The following CCDC149 variants were observed in gnomAD, a reference collection of about 807,000 sequenced individuals.
CCDC149 encodes the protein coiled-coil domain-containing protein 149.
In CCDC149, 45 loss-of-function variants were observed where a neutral mutation model predicts 59.9. The ratio of observed to expected loss-of-function variants is 0.75; its 90% CI spans 0.59 to 0.96. The LOEUF (loss-of-function observed/expected upper bound fraction) is 0.96, where lower values mean the gene tolerates loss of function less well. Among genes scored for constraint, CCDC149 ranks in the 40% least tolerant of loss-of-function variants. CCDC149 has a pLI of 0.00. For missense variants in CCDC149, 584 were observed against 664.7 expected (o/e 0.88, Z 1.33); for synonymous variants, 245 against 260.6 (o/e 0.94, Z 0.58).
chr4:24,862,359 G>A (rs531538836), intron 3 of CCDC149, among the ~76,000 whole-genome samples: 7 of 152,286 alleles, frequency 4.6e-5, no homozygotes, highest in Non-Finnish European at 7.4e-5. Context: ...CTTTGAGGCC[G>A]CCTCTGGATA....
rs1326011058 is a variant in CCDC149 at position 24,912,930 on chromosome 4, G to A, written c.-51C>T. 2 of 1,132,858 alleles carry A rather than the reference G, an allele frequency of 1.8e-6. No individual in the cohort carries two copies. Among genetic ancestry groups the A allele is most frequent in the Non-Finnish European group, 1.1e-6 (1 of 881,032 alleles). 70.2% of individuals were successfully genotyped at this position (1,132,858 alleles called of 1,614,324 possible). A position where few individuals can be genotyped will look rare whatever the true frequency, so the allele number is the denominator to read the frequency against. ...GCCGCCTCCTCCTCCTCGCGACGTCGCGTCGCCGCCGCCGCCCGGGCCCCG... is the reference window on the plus strand; with the variant it reads ...GCCGCCTCCTCCTCCTCGCGACGTCACGTCGCCGCCGCCGCCCGGGCCCCG... On this transcript the variant is annotated 5_prime_UTR_variant, in exon 1 of 13. Coordinates refer to ENST00000635206, the MANE Select transcript of CCDC149 (RefSeq NM_001330643.2).
At chr4:24,885,424 C>T (rs1720102936) in intron 1 of CCDC149, among the ~76,000 whole-genome samples, 1 of 152,170 alleles carries the variant, frequency 6.6e-6, no homozygotes, top group Non-Finnish European at 1.5e-5. Flanking sequence ...GCTGTCAGGC[C>T]TACAGAGAAC....
chr4:24,850,246 A>G (rs1273702933), intron 4 of CCDC149, among the ~76,000 whole-genome samples: 1 of 151,972 alleles, frequency 6.6e-6, no homozygotes, highest in African/African-American at 2.4e-5. Flanking sequence ...TAGAGATTAT[A>G]TAATACCTAC....
At position 24,834,972 on chromosome 4, in the gene CCDC149, T is replaced by G; in HGVS notation, c.796A>C (p.Thr266Pro). 6.2e-7 allele frequency: 1 copy of G among 1,613,964 alleles called. No homozygotes were observed. Among genetic ancestry groups the G allele is most frequent in the South Asian group, 1.1e-5 (1 of 91,066 alleles). ...CCTTGCTTTGCAGACAGGACTCCTG[T>G]CAGAGCACTGCTGCTGGATTTACCC... The change falls in exon 8 of 13, where the codon ACA (threonine) becomes CCA (proline). Residue 266 changes from threonine to proline, a missense_variant. Coordinates refer to ENST00000635206, the MANE Select transcript of CCDC149 (RefSeq NM_001330643.2).
chr4:24,834,876 G>T, intron 8 of CCDC149, 72 bp downstream of exon 8: 1 of 1,133,284 alleles, frequency 8.8e-7, no homozygotes, highest in Non-Finnish European at 1.3e-6. Context: ...GCAGCAGCCT[G>T]GATGGGATGT....
intron 1 of CCDC149, among the ~76,000 whole-genome samples, chr4:24,935,539 T>G (rs1722712930): frequency 6.6e-6 from 1 of 152,100 alleles, no homozygotes; most frequent in South Asian, 2.1e-4. Context: ...AGAACCCTCA[T>G]GAGTGGGATT....
At chr4:24,898,818 T>C (rs1270062359) in intron 1 of CCDC149, among the ~76,000 whole-genome samples, 4 of 152,144 alleles carry the variant, frequency 2.6e-5, no homozygotes, top group Non-Finnish European at 5.9e-5. Flanking sequence ...TGAGCTGGGC[T>C]TTAACATATG....
intron 1 of CCDC149, among the ~76,000 whole-genome samples, chr4:24,923,825 A>ATTTG (rs1722366226): frequency 6.6e-6 from 1 of 152,212 alleles, no homozygotes; most frequent in Admixed American, 6.5e-5. Context: ...CCAAATATAC[A>ATTTG]GTGGCTTGAC....
At chr4:24,957,329 C>A (rs923551661) in intron 1 of CCDC149, among the ~76,000 whole-genome samples, 1 of 152,154 alleles carries the variant, frequency 6.6e-6, no homozygotes, top group Non-Finnish European at 1.5e-5. Context: ...TGTAATCTAC[C>A]AGTGTTTCAT....
chr4:24,912,785 C>T, intron 1 of CCDC149, 32 bp downstream of exon 1: 1 of 1,282,806 alleles, frequency 7.8e-7, no homozygotes, highest in Non-Finnish European at 1.0e-6. Context: ...CTCGGCCCGG[C>T]CCATCCCGCC....
intron 1 of CCDC149, among the ~76,000 whole-genome samples, chr4:24,920,675 T>A (rs1450369851): frequency 2.0e-5 from 3 of 152,364 alleles, no homozygotes; most frequent in African/African-American, 7.2e-5. Context: ...ATGACCTCCA[T>A]CTTTGGAGAC....
chr4:24,931,829 GTATATATATA>G lies in CCDC149; in HGVS notation c.-64-36721_-64-36712del, dbSNP rs57205804. On this transcript the variant is annotated intron_variant, in intron 1 of 12. Coordinates refer to the CCDC149 transcript ENST00000389609. The stretch of plus-strand genomic sequence containing the variant: ...CTCCCTTATATTGTATGGAGAGTAT[GTATATATATA>G]TATATATATATATGCATAATCCATA... Among the ~76,000 whole-genome samples, 10 of 76,902 alleles carry G rather than the reference GTATATATATA, an allele frequency of 1.3e-4. 1 individual carries two copies. Among genetic ancestry groups the G allele is most frequent in the African/African-American group, 1.8e-4 (3 of 16,498 alleles). 50.5% of individuals were successfully genotyped at this position (76,902 alleles called of 152,430 possible). A position where few individuals can be genotyped will look rare whatever the true frequency, so the allele number is the denominator to read the frequency against.
At chr4:24,825,785 A>C (rs920841727) in intron 9 of CCDC149, among the ~76,000 whole-genome samples, 2 of 151,342 alleles carry the variant, frequency 1.3e-5, no homozygotes, top group African/African-American at 2.4e-5. Flanking sequence ...AAAAAAAAAA[A>C]CACACACATG....
intron 3 of CCDC149, among the ~76,000 whole-genome samples, chr4:24,872,881 G>GT (rs1236064942): frequency 6.8e-6 from 1 of 147,666 alleles, no homozygotes; most frequent in Non-Finnish European, 1.5e-5. Flanking sequence ...AGTGGTATGT[G>GT]TCCATTGAAT....
At chr4:24,863,384 A>G (rs2109213028) in intron 3 of CCDC149, among the ~76,000 whole-genome samples, 1 of 152,362 alleles carries the variant, frequency 6.6e-6, no homozygotes, top group Non-Finnish European at 1.5e-5. Context: ...TCAAAGAGGT[A>G]GGCCACATGT....
intron 1 of CCDC149, among the ~76,000 whole-genome samples, chr4:24,968,759 T>C (rs1577512410): frequency 6.6e-6 from 1 of 152,146 alleles, no homozygotes; most frequent in Non-Finnish European, 1.5e-5. Context: ...ACCAAGGAGG[T>C]GACACCTATG....
intron 4 of CCDC149, among the ~76,000 whole-genome samples, chr4:24,839,611 C>T (rs1716812786): frequency 6.6e-6 from 1 of 152,148 alleles, no homozygotes; most frequent in African/African-American, 2.4e-5. Flanking sequence ...CCTGAAGAAC[C>T]CATAGCTTTC....
rs760256106 is a variant in CCDC149, at chr4:24,822,454, GAA to G, written c.1042+41_1042+42del. ...TGGGAGCTTCATTTCTTAAAAAAAAGAAAAAAAAAAAAGGAAAATTGTTTTCA... is the reference window on the plus strand; with the variant it reads ...TGGGAGCTTCATTTCTTAAAAAAAAGAAAAAAAAAAGGAAAATTGTTTTCA... On this transcript the variant is annotated intron_variant, in intron 10 of 12. Coordinates refer to ENST00000635206, the MANE Select transcript of CCDC149 (RefSeq NM_001330643.2). 1,269 of 1,002,622 alleles carry G rather than the reference GAA, an allele frequency of 1.3e-3. 10 individuals are homozygous for G. The African/African-American group carries it at 0.015, about 12-fold the overall frequency. The allele number at this position is 1,002,622 out of a possible 1,614,324, so 62.1% of individuals were successfully genotyped here.
intron 5 of CCDC149, 112 bp downstream of exon 5, chr4:24,838,044 T>G: frequency 2.3e-6 from 2 of 859,784 alleles, no homozygotes; most frequent in Non-Finnish European, 4.0e-6. Flanking sequence ...GCATTCAACG[T>G]GCATCCCAGG....
Sources: gnomAD v4.1 joint callset for allele counts (sites outside exome capture counted in the v4.1 genomes callset) on GRCh38, gnomAD v4.1.1 for gene constraint, MANE v1.5 for transcripts, NCBI Gene and HGNC (gene_info 2026-07-23, HGNC 2026-07-21) for gene names.